Variants in MSL1 observed in about 807,000 individuals in gnomAD.
MSL1 encodes the protein MSL complex subunit 1.
MSL1 carries 21 observed loss-of-function variants against 64.6 expected under a neutral mutation model. That is an observed-to-expected ratio of 0.33 (90% CI 0.23 to 0.47). The LOEUF (loss-of-function observed/expected upper bound fraction) is 0.47, where lower values mean the gene tolerates loss of function less well. Ranked by LOEUF, MSL1 falls within the 20% of genes least tolerant of loss-of-function variation. The pLI is 1.00. For synonymous variants in MSL1, 339 were observed against 329.6 expected, an observed-to-expected ratio of 1.03 and a Z score of -0.31; for missense variants, 664 against 793.2, an observed-to-expected ratio of 0.84 and a Z score of 1.96.
At chr17:40,130,432 A>G (rs1046222082) in intron 3 of MSL1, 2 of 151,860 alleles carry the variant, frequency 1.3e-5, no homozygotes, top group Non-Finnish European at 2.9e-5. Flanking sequence ...TTCTACATCA[A>G]CCAGTAACTG....
chr17:40,122,505 G>A lies in MSL1; in HGVS notation c.-108G>A. 1 of 813,980 alleles carries A rather than the reference G, an allele frequency of 1.2e-6. No individual in the cohort carries two copies. The highest frequency in any genetic ancestry group is 3.4e-5 in the East Asian group (1 of 29,420). 50.4% of individuals were successfully genotyped at this position (813,980 alleles called of 1,614,324 possible). A position where few individuals can be genotyped will look rare whatever the true frequency, so the allele number is the denominator to read the frequency against. On this transcript the variant is annotated 5_prime_UTR_variant, in exon 1 of 9. Coordinates refer to ENST00000398532, the MANE Select transcript of MSL1 (RefSeq NM_001365919.1). The surrounding 1 kb of genome is among the most constrained non-coding windows in gnomAD (Gnocchi z 4.2). ...CGGAGGCCTGCTGCCGCGCTGCTGA[G>A]GCGAGCCCGCCAAACTCCCCTCCCC...
rs1054415574 is a variant in MSL1 at position 40,136,328 on chromosome 17, T to A, written c.*1959T>A. 6 of 152,476 alleles carry A rather than the reference T, an allele frequency of 3.9e-5. No homozygotes were observed. The highest frequency in any genetic ancestry group is 7.3e-5 in the Non-Finnish European group (5 of 68,032). 9.4% of individuals were successfully genotyped at this position (152,476 alleles called of 1,614,324 possible). A position where few individuals can be genotyped will look rare whatever the true frequency, so the allele number is the denominator to read the frequency against. The stretch of plus-strand genomic sequence containing the variant: ...GAGGTGCTATCTGGCCAGATTTAAG[T>A]AGATTCTATTTCCTTGGTTCTCCCT... On this transcript the variant is annotated 3_prime_UTR_variant, in exon 9 of 9. Transcript: ENST00000398532.
chr17:40,122,768 CAAG>C lies in MSL1; in HGVS notation c.157_159del (p.Lys53del), dbSNP rs1349417179. 7.2e-7 allele frequency: 1 copy of C among 1,394,492 alleles called. No homozygotes were observed. Among genetic ancestry groups the C allele is most frequent in the Non-Finnish European group, 9.2e-7 (1 of 1,083,794 alleles). 86.4% of individuals were successfully genotyped at this position (1,394,492 alleles called of 1,614,324 possible). A position where few individuals can be genotyped will look rare whatever the true frequency, so the allele number is the denominator to read the frequency against. ...ACTTCCTCCCCCGGCACCGTAAGCT[CAAG>C]GAGCCGGGGCCCCCGCTGGCCTCCT... On this transcript the variant is annotated inframe_deletion, in exon 1 of 9. Coordinates refer to ENST00000398532, the MANE Select transcript of MSL1 (RefSeq NM_001365919.1). The surrounding 1 kb of genome is among the most constrained non-coding windows in gnomAD (Gnocchi z 4.2).
At chr17:40,128,422 T>C (rs1319664972) in intron 2 of MSL1, among the ~76,000 whole-genome samples, 2 of 145,840 alleles carry the variant, frequency 1.4e-5, no homozygotes, top group African/African-American at 5.1e-5. Context: ...TCGCCCAGGC[T>C]GGAGTGCAGT....
rs1253013658 is a variant in MSL1, at chr17:40,134,349, C to T, written c.1825C>T (p.His609Tyr). The T allele has an allele frequency of 1.3e-6, 2 of 1,555,586 alleles. No individual in the cohort carries two copies. Among genetic ancestry groups the T allele is most frequent in the Non-Finnish European group, 1.7e-6 (2 of 1,149,140 alleles). The change falls in exon 9 of 9, where the codon CAC becomes TAC. Residue 609 changes from histidine (H) to tyrosine (Y), a missense_variant. Physicochemically the swap from His to Tyr is moderately conservative, Grantham distance 83. This residue lies in a region of MSL1 where 76 missense variants were observed against 98.5 expected (regional missense o/e 0.77). Transcript: ENST00000398532. ...GGAGATCCAGAAGAAGCAAACACCT[C>T]ACCGGACGTGTAGGAAATAGCTGTG... ...RLEIQKKQTP[H>Y]RTCRK
Position 40,131,379 on chromosome 17 carries a change from C to A in MSL1, c.1376-158C>A. Reference sequence around the variant, plus strand: ...ATTTTCTTTTCTTTTGTCTGTTGTTCCCTCTTCCCCTCCCCCAGAGAGAAA... The same window carrying A: ...ATTTTCTTTTCTTTTGTCTGTTGTTACCTCTTCCCCTCCCCCAGAGAGAAA... On this transcript the variant is annotated intron_variant, in intron 3 of 8. Coordinates refer to ENST00000398532, the MANE Select transcript of MSL1 (RefSeq NM_001365919.1). The surrounding 1 kb of genome is among the most constrained non-coding windows in gnomAD (Gnocchi z 4.5). The A allele has an allele frequency of 1.7e-6, 1 of 588,266 alleles. No individual in the cohort carries two copies. The highest frequency in any genetic ancestry group is 3.0e-6 in the Non-Finnish European group (1 of 328,904). The allele number at this position is 588,266 out of a possible 1,614,324, so 36.4% of individuals were successfully genotyped here.
chr17:40,131,538 G>A lies in MSL1; in HGVS notation c.1377G>A (p.Arg459=). 6.2e-7 allele frequency: 1 copy of A among 1,613,466 alleles called. No individual in the cohort carries two copies. The highest frequency in any genetic ancestry group is 2.2e-5 in the East Asian group (1 of 44,872). Residue 459 remains arginine (R), a splice_region_variant and synonymous_variant, in exon 4 of 9, where the codon AGG becomes AGA. Transcript: ENST00000398532. This position sits in a 1 kb window ranked among gnomAD's most constrained non-coding sequence, Gnocchi z 4.5. The part of the protein sequence containing the change: ...SSPKKEETVA[R]CLMPSSVAGE... Reference sequence around the variant, plus strand: ...ATTCTTCTTTCCTGCATTATTTAGGGTGTCTGATGCCATCAAGTGTTGCAG... The same window carrying A: ...ATTCTTCTTTCCTGCATTATTTAGGATGTCTGATGCCATCAAGTGTTGCAG...
chr17:40,134,331 CAGA>C lies in MSL1; in HGVS notation c.1813_1815del (p.Lys605del). Reference sequence around the variant, plus strand: ...GCGTAGCCGATGCAGATTGGAGATCCAGAAGAAGCAAACACCTCACCGGACGTG... The same window carrying C: ...GCGTAGCCGATGCAGATTGGAGATCCAGAAGCAAACACCTCACCGGACGTG... On this transcript the variant is annotated inframe_deletion, in exon 9 of 9. Coordinates refer to ENST00000398532, the MANE Select transcript of MSL1 (RefSeq NM_001365919.1). 14 of 1,557,394 alleles carry C rather than the reference CAGA, an allele frequency of 9.0e-6. No homozygotes were observed. Among genetic ancestry groups the C allele is most frequent in the Non-Finnish European group, 1.2e-5 (14 of 1,150,106 alleles).
intron 8 of MSL1, 102 bp from the exon 9 acceptor site, chr17:40,134,177 T>C: frequency 1.1e-6 from 1 of 942,514 alleles, no homozygotes; most frequent in Non-Finnish European, 1.7e-6. Flanking sequence ...TAGTCAGGGA[T>C]AGGAGTGGTA....
At position 40,123,125 on chromosome 17, in the gene MSL1, A is replaced by T. The variant is rs369731816; in HGVS notation, c.513A>T (p.Gly171=). 6.3e-5 allele frequency: 97 copies of T among 1,530,846 alleles called. 2 individuals carry two copies. The highest frequency in any genetic ancestry group is 3.9e-4 in the East Asian group (16 of 40,710). The allele number at this position is 1,530,846 out of a possible 1,614,324, so 94.8% of individuals were successfully genotyped here. ...SPAATASDPA[G]PPPLPLPGPP... ...CTGCCACCGCCTCGGACCCGGCGGG[A>T]CCCCCACCACTACCTCTGCCCGGGC... Residue 171 remains glycine, a synonymous_variant, in exon 1 of 9, where the codon GGA becomes GGT. Coordinates refer to ENST00000398532, the MANE Select transcript of MSL1 (RefSeq NM_001365919.1).
rs1442184034 is a variant in MSL1 at position 40,136,696 on chromosome 17, A to C, written c.*2327A>C. The C allele has an allele frequency of 6.6e-6, 1 of 152,318 alleles. No homozygotes were observed. Among genetic ancestry groups the C allele is most frequent in the East Asian group, 1.9e-4 (1 of 5,342 alleles). The allele number at this position is 152,318 out of a possible 1,614,324, so 9.4% of individuals were successfully genotyped here. A position where few individuals can be genotyped will look rare whatever the true frequency, so the allele number is the denominator to read the frequency against. On this transcript the variant is annotated 3_prime_UTR_variant, in exon 9 of 9. Transcript: ENST00000398532. ...CATATTGTTGTCTGTGTTGTAATTC[A>C]TAACTTTTGATACCATTTCTGATGT...
chr17:40,133,409 C>T, intron 6 of MSL1, 125 bp from the exon 7 acceptor site: 1 of 1,220,592 alleles, frequency 8.2e-7, no homozygotes, highest in Non-Finnish European at 1.1e-6. Flanking sequence ...TTTCTCTTTA[C>T]CCTGTCTAGA....
rs982865056 is a variant in MSL1 at position 40,134,467 on chromosome 17, T to C, written c.*98T>C. 4.2e-6 allele frequency: 4 copies of C among 949,316 alleles called. No individual in the cohort carries two copies. In the Admixed American group the frequency reaches 8.5e-5, roughly 20 times the overall value. The allele number at this position is 949,316 out of a possible 1,614,324, so 58.8% of individuals were successfully genotyped here. ...GTGACCTTTGTCCTCACATATGTTA[T>C]CACTCGCTGATAATACCCTTTCATA... is the stretch of plus-strand genomic sequence containing the variant. On this transcript the variant is annotated 3_prime_UTR_variant, in exon 9 of 9. Coordinates refer to ENST00000398532, the MANE Select transcript of MSL1 (RefSeq NM_001365919.1).
At chr17:40,133,206 T>C (rs973943071) in intron 6 of MSL1, 97 bp downstream of exon 6, 1 of 1,123,700 alleles carries the variant, frequency 8.9e-7, no homozygotes, top group Non-Finnish European at 1.3e-6. Context: ...CTGTGGAGAA[T>C]CTTGGAGTGC....
intron 3 of MSL1, chr17:40,130,817 G>A (rs17678694): frequency 3.9e-5 from 6 of 152,204 alleles, no homozygotes; most frequent in Admixed American, 1.3e-4. Context: ...GCAATGCTGC[G>A]TAACAACTTA....
At chr17:40,130,240 G>A (rs1988413003) in intron 3 of MSL1, 1 of 152,168 alleles carries the variant, frequency 6.6e-6, no homozygotes, top group South Asian at 2.1e-4. Flanking sequence ...GAGTTTACTT[G>A]GATTGCAGTA....
At chr17:40,126,453 G>T (rs1198700100) in intron 2 of MSL1, 47 bp downstream of exon 2, 2 of 1,511,466 alleles carry the variant, frequency 1.3e-6, no homozygotes, top group African/African-American at 2.8e-5. Flanking sequence ...ACCAGTGATT[G>T]AGAGTAGGAG....
rs376501713 is a variant in MSL1 at position 40,130,487 on chromosome 17, C to T, written c.1375+860C>T. Among the ~76,000 whole-genome samples, 14 of 152,058 alleles carry T rather than the reference C, an allele frequency of 9.2e-5. 1 individual carries two copies. Among genetic ancestry groups the T allele is most frequent in the Admixed American group, 2.6e-4 (4 of 15,276 alleles). ...TAATATTAGTCTATGTCAGTCACTG[C>T]GGTTACTCTGGGGTAATGGTTGGGG... is the stretch of plus-strand genomic sequence containing the variant. On this transcript the variant is annotated intron_variant, in intron 3 of 8. Coordinates refer to ENST00000398532, the MANE Select transcript of MSL1 (RefSeq NM_001365919.1).
chr17:40,132,935 C>A, intron 5 of MSL1, 107 bp from the exon 6 acceptor site: 1 of 1,044,070 alleles, frequency 9.6e-7, no homozygotes, highest in Non-Finnish European at 1.4e-6. Context: ...TCAGGTAGAA[C>A]CGGAAGGTGA....
Sources: gnomAD v4.1 joint callset for allele counts (sites outside exome capture counted in the v4.1 genomes callset) on GRCh38, gnomAD v4.1.1 for gene constraint, gnomAD v4.1.1 regional missense constraint, Gnocchi (gnomAD v3.1) non-coding constraint, MANE v1.5 for transcripts, NCBI Gene and HGNC (gene_info 2026-07-23, HGNC 2026-07-21) for gene names.